Variants in CPVL observed in about 807,000 individuals in gnomAD.
CPVL encodes carboxypeptidase vitellogenic like, also known as probable serine carboxypeptidase CPVL.
A neutral mutation model predicts 63.7 loss-of-function variants in CPVL; 51 were observed. The observed-to-expected ratio is 0.80, with a 90% CI of 0.64 to 1.01. CPVL has a LOEUF of 1.01. CPVL is among the 50% of genes least tolerant of loss of function. CPVL has a pLI of 0.00. For missense variants in CPVL, 530 were observed against 573.1 expected, an observed-to-expected ratio of 0.92 and a Z score of 0.77; for synonymous variants, 195 against 206.0, an observed-to-expected ratio of 0.95 and a Z score of 0.46.
At chr7:29,028,611 C>T (rs1237115778) in intron 12 of CPVL, among the ~76,000 whole-genome samples, 4 of 152,138 alleles carry the variant, frequency 2.6e-5, no homozygotes, top group Admixed American at 1.3e-4. Context: ...AGACTAATAT[C>T]CAGAATATAC....
At chr7:29,000,641 C>T (rs922968912) in intron 12 of CPVL, among the ~76,000 whole-genome samples, 1 of 152,082 alleles carries the variant, frequency 6.6e-6, no homozygotes, top group Non-Finnish European at 1.5e-5. Context: ...CATGTGATGC[C>T]CCAAGTGACA....
chr7:29,036,889 G>A lies in CPVL; in HGVS notation c.1138-6130C>T, dbSNP rs779913028. 6.2e-4 allele frequency among the ~76,000 whole-genome samples: 94 copies of A among 152,268 alleles called. 1 individual carries two copies. The highest frequency in any genetic ancestry group is 1.1e-3 in the Non-Finnish European group (72 of 68,014). ...ATTTATCCCATTTTAGGCACAAGGAGGCAGAGGTGTAAGGAGGTAAGTCAG... is the reference window on the plus strand; with the variant it reads ...ATTTATCCCATTTTAGGCACAAGGAAGCAGAGGTGTAAGGAGGTAAGTCAG... On this transcript the variant is annotated intron_variant, in intron 11 of 12. Coordinates refer to ENST00000265394, the MANE Select transcript of CPVL (RefSeq NM_031311.5).
chr7:29,125,924 C>G (rs558209546), intron 1 of CPVL, among the ~76,000 whole-genome samples: 2 of 152,274 alleles, frequency 1.3e-5, no homozygotes, highest in South Asian at 4.2e-4. Context: ...CATCCGAGGA[C>G]CTTGGTAAGA....
chr7:29,082,006 G>A (rs1784769213), intron 7 of CPVL, among the ~76,000 whole-genome samples: 1 of 152,208 alleles, frequency 6.6e-6, no homozygotes, highest in Non-Finnish European at 1.5e-5. Flanking sequence ...ACATTGAAAA[G>A]CAGAAAACCA....
intron 7 of CPVL, among the ~76,000 whole-genome samples, chr7:29,078,678 C>G (rs893236624): frequency 2.7e-4 from 41 of 152,160 alleles, no homozygotes; most frequent in African/African-American, 8.4e-4. Context: ...CATGGTAATT[C>G]ATTTCCAACA....
intron 11 of CPVL, among the ~76,000 whole-genome samples, chr7:29,038,442 G>T (rs1006149466): frequency 5.3e-5 from 8 of 152,210 alleles, no homozygotes; most frequent in Admixed American, 3.9e-4. Flanking sequence ...CCAGCTTCCA[G>T]AACTGTAAGA....
chr7:29,056,073 G>A (rs187455892), intron 11 of CPVL, among the ~76,000 whole-genome samples: 18 of 152,282 alleles, frequency 1.2e-4, no homozygotes, highest in Non-Finnish European at 1.5e-5. Flanking sequence ...AAAATTGAGT[G>A]TAAAGTACAG....
At chr7:29,005,160 A>G (rs1353349365) in intron 12 of CPVL, among the ~76,000 whole-genome samples, 6 of 152,060 alleles carry the variant, frequency 3.9e-5, no homozygotes, top group Admixed American at 3.9e-4. Context: ...TCGGCCTCCC[A>G]AAGTGCTGAG....
At chr7:29,166,781 A>C in intron 5 of CPVL, among the ~76,000 whole-genome samples, 1 of 152,058 alleles carries the variant, frequency 6.6e-6, no homozygotes, top group East Asian at 1.9e-4. Context: ...AAGGTTTATC[A>C]CTCACTGATC....
chr7:29,059,477 A>G (rs1430217161), intron 11 of CPVL, among the ~76,000 whole-genome samples: 1 of 152,162 alleles, frequency 6.6e-6, no homozygotes, highest in Admixed American at 6.5e-5. Flanking sequence ...AAATTCAACA[A>G]TACACCAAAA....
intron 6 of CPVL, among the ~76,000 whole-genome samples, chr7:29,087,586 G>A (rs1785338647): frequency 6.6e-6 from 1 of 152,162 alleles, no homozygotes; most frequent in Admixed American, 6.5e-5. Context: ...AAAAACTTGT[G>A]AAACTCAGTA....
chr7:29,034,894 T>C (rs1156786978), intron 11 of CPVL, among the ~76,000 whole-genome samples: 2 of 150,608 alleles, frequency 1.3e-5, no homozygotes, highest in Non-Finnish European at 3.0e-5. Flanking sequence ...TGAGGTTGGA[T>C]ACCTCAGTTT....
At chr7:29,165,573 C>T (rs1235759782) in intron 5 of CPVL, among the ~76,000 whole-genome samples, 1 of 151,974 alleles carries the variant, frequency 6.6e-6, no homozygotes, top group Non-Finnish European at 1.5e-5. Context: ...ATACATTTGC[C>T]ATAATCTTTG....
At chr7:29,087,328 A>G (rs1304757143) in intron 6 of CPVL, among the ~76,000 whole-genome samples, 1 of 151,390 alleles carries the variant, frequency 6.6e-6, no homozygotes, top group African/African-American at 2.4e-5. Flanking sequence ...GGAGGCTGAG[A>G]CAGAAGAATC....
At chr7:29,164,798 A>G (rs1029012538) in intron 5 of CPVL, among the ~76,000 whole-genome samples, 1 of 151,662 alleles carries the variant, frequency 6.6e-6, no homozygotes, top group Admixed American at 6.6e-5. Context: ...AAAAAAAAAA[A>G]AAACAAAGAT....
intron 3 of CPVL, among the ~76,000 whole-genome samples, chr7:29,103,256 T>TG (rs1787385478): frequency 6.7e-6 from 1 of 150,100 alleles, no homozygotes; most frequent in Non-Finnish European, 1.5e-5. Context: ...TTGTTTTTTT[T>TG]TTTTTTTGAG....
chr7:29,006,692 C>A (rs2128130740), intron 12 of CPVL, among the ~76,000 whole-genome samples: 1 of 152,288 alleles, frequency 6.6e-6, no homozygotes, highest in East Asian at 1.9e-4. Flanking sequence ...CCCTAAATGT[C>A]TCTAGGTTCT....
chr7:29,100,357 C>T (rs954188665), intron 3 of CPVL, among the ~76,000 whole-genome samples: 19 of 152,180 alleles, frequency 1.2e-4, no homozygotes, highest in African/African-American at 4.3e-4. Context: ...GATTCCAATT[C>T]CATTGGTCTG....
At chr7:29,053,565 G>T (rs1244203507) in intron 11 of CPVL, among the ~76,000 whole-genome samples, 2 of 152,220 alleles carry the variant, frequency 1.3e-5, no homozygotes, top group Admixed American at 1.3e-4. Context: ...ATTAGTGGTT[G>T]CCAGGGGCTG....
Sources: allele counts gnomAD v4.1 joint callset (sites outside exome capture counted in the v4.1 genomes callset), GRCh38; gene constraint gnomAD v4.1.1; transcripts MANE v1.5; gene names NCBI Gene and HGNC (gene_info 2026-07-23, HGNC 2026-07-21).